The following FNDC3B variants were observed in gnomAD, a reference collection of about 807,000 sequenced individuals.
The protein encoded by FNDC3B is fibronectin type III domain containing 3B, also known as fibronectin type III domain-containing protein 3B.
A neutral mutation model predicts 151.5 loss-of-function variants in FNDC3B; 12 were observed. The observed-to-expected ratio is 0.08, with a 90% CI of 0.05 to 0.13. FNDC3B has a LOEUF of 0.13. FNDC3B is among the 10% of genes least tolerant of loss of function. The pLI is 1.00. For missense variants in FNDC3B, 1,214 were observed against 1,505.3 expected (o/e 0.81, Z 3.20); for synonymous variants, 528 against 549.0 (o/e 0.96, Z 0.54).
intron 11 of FNDC3B, among the ~76,000 whole-genome samples, chr3:172,325,033 G>C (rs998335826): frequency 1.3e-5 from 2 of 152,178 alleles, no homozygotes; most frequent in Non-Finnish European, 2.9e-5. Flanking sequence ...ACTCTCCTCT[G>C]TGTGACACAC....
At chr3:172,234,508 T>C (rs1162683838) in intron 4 of FNDC3B, among the ~76,000 whole-genome samples, 3 of 152,256 alleles carry the variant, frequency 2.0e-5, no homozygotes, top group Non-Finnish European at 1.5e-5. Flanking sequence ...ATTATTCTCC[T>C]CTGTTCATAT....
At chr3:172,238,538 C>T (rs1727286958) in intron 4 of FNDC3B, among the ~76,000 whole-genome samples, 1 of 152,082 alleles carries the variant, frequency 6.6e-6, no homozygotes, top group South Asian at 2.1e-4. Context: ...CTTTTGTTGC[C>T]CTAGAACATT....
Position 172,401,279 on chromosome 3 carries a change from G to C in FNDC3B, c.*3804G>C, listed in dbSNP as rs1469294539. Reference sequence around the variant, plus strand: ...ATTAGTTGAAAATTCACGTGTTTTTGGAGGCCAGGCAGGTGGCCTTCTGCA... The same window carrying C: ...ATTAGTTGAAAATTCACGTGTTTTTCGAGGCCAGGCAGGTGGCCTTCTGCA... On this transcript the variant is annotated 3_prime_UTR_variant, in exon 26 of 26. Coordinates refer to ENST00000415807, the MANE Select transcript of FNDC3B (RefSeq NM_022763.4). The C allele has an allele frequency of 6.6e-6, 1 of 152,184 alleles. No individual in the cohort carries two copies. Among genetic ancestry groups the C allele is most frequent in the Non-Finnish European group, 1.5e-5 (1 of 68,086 alleles). 9.4% of individuals were successfully genotyped at this position (152,184 alleles called of 1,614,324 possible).
chr3:172,301,139 T>C (rs1049229195), intron 9 of FNDC3B, among the ~76,000 whole-genome samples: 1 of 152,226 alleles, frequency 6.6e-6, no homozygotes, highest in Non-Finnish European at 1.5e-5. Flanking sequence ...AGAATGATAA[T>C]GATACCAGCC....
chr3:172,358,954 TTGGTGG>T (rs60325692), intron 22 of FNDC3B, among the ~76,000 whole-genome samples: 12,129 of 80,328 alleles, frequency 0.15, 1,014 homozygotes, highest in Middle Eastern at 0.33. Flanking sequence ...CACAGTTTTC[TTGGTGG>T]TGGTGGTGGT....
chr3:172,041,620 C>CCT (rs1553865416), intron 1 of FNDC3B, among the ~76,000 whole-genome samples: 1 of 150,710 alleles, frequency 6.6e-6, no homozygotes, highest in Non-Finnish European at 1.5e-5. Context: ...TGGAATAACA[C>CCT]TTTTTTTTTG....
At chr3:172,269,565 C>T (rs189110568) in intron 6 of FNDC3B, among the ~76,000 whole-genome samples, 1 of 152,312 alleles carries the variant, frequency 6.6e-6, no homozygotes, top group East Asian at 1.9e-4. Flanking sequence ...CTACTGCCCC[C>T]AGCCTATTCT....
At chr3:172,156,210 GTTT>G (rs1722477302) in intron 3 of FNDC3B, among the ~76,000 whole-genome samples, 1 of 152,180 alleles carries the variant, frequency 6.6e-6, no homozygotes, top group African/African-American at 2.4e-5. Flanking sequence ...ATTAAAAAAA[GTTT>G]TTATTAATCT....
At chr3:172,196,979 G>A (rs1384555630) in intron 3 of FNDC3B, among the ~76,000 whole-genome samples, 4 of 152,030 alleles carry the variant, frequency 2.6e-5, no homozygotes, top group Non-Finnish European at 4.4e-5. Flanking sequence ...TCAGGAGTTT[G>A]AGACCAGCCT....
At chr3:172,380,484 C>A (rs1029764406) in intron 24 of FNDC3B, among the ~76,000 whole-genome samples, 1 of 152,196 alleles carries the variant, frequency 6.6e-6, no homozygotes, top group Non-Finnish European at 1.5e-5. Flanking sequence ...CAGGTATGCT[C>A]TTTTCCTCCT....
At chr3:172,355,997 C>T (rs1369925671) in intron 22 of FNDC3B, among the ~76,000 whole-genome samples, 1 of 152,126 alleles carries the variant, frequency 6.6e-6, no homozygotes, top group African/African-American at 2.4e-5. Flanking sequence ...ATGCCTGACT[C>T]AGACTGAGCT....
chr3:172,323,949 C>G (rs553615742), intron 11 of FNDC3B, among the ~76,000 whole-genome samples: 2 of 152,082 alleles, frequency 1.3e-5, no homozygotes, highest in Admixed American at 6.6e-5. Flanking sequence ...GGACTTCCCC[C>G]CAAAGGTGAT....
intron 9 of FNDC3B, among the ~76,000 whole-genome samples, chr3:172,306,317 A>G (rs2108242527): frequency 6.6e-6 from 1 of 152,354 alleles, no homozygotes; most frequent in South Asian, 2.1e-4. Context: ...TTCCAGGGAT[A>G]AATACCATTG....
intron 25 of FNDC3B, among the ~76,000 whole-genome samples, chr3:172,394,106 T>TAAAAAAAAAAAAAAAAAAAAAAAAAA (rs60559371): frequency 1.2e-4 from 2 of 16,648 alleles, no homozygotes; most frequent in African/African-American, 4.3e-4. Flanking sequence ...AGACTCCTTC[T>TAAAAAAAAAAAAAAAAAAAAAAAAAA]AAAAAAAAAA....
intron 1 of FNDC3B, among the ~76,000 whole-genome samples, chr3:172,077,603 C>T (rs1385530535): frequency 6.6e-6 from 1 of 152,182 alleles, no homozygotes; most frequent in African/African-American, 2.4e-5. Flanking sequence ...TTGATGAATG[C>T]TCTCTCCCTT....
intron 3 of FNDC3B, among the ~76,000 whole-genome samples, chr3:172,220,199 A>G (rs1405456029): frequency 1.3e-5 from 2 of 151,976 alleles, no homozygotes; most frequent in Non-Finnish European, 2.9e-5. Flanking sequence ...TTTAATAGCC[A>G]TCCTAGTGTG....
chr3:172,369,073 C>T (rs1285032602), intron 23 of FNDC3B, among the ~76,000 whole-genome samples: 4 of 152,130 alleles, frequency 2.6e-5, no homozygotes, highest in Admixed American at 1.3e-4. Flanking sequence ...GCCTTTGAAA[C>T]CGAGTAGCTT....
intron 16 of FNDC3B, chr3:172,337,721 G>A: frequency 3.3e-6 from 1 of 299,266 alleles, no homozygotes; most frequent in South Asian, 3.1e-5. Context: ...TACGATCTCT[G>A]TCACACAGGC....
At chr3:172,175,182 A>C (rs556841860) in intron 3 of FNDC3B, among the ~76,000 whole-genome samples, 1 of 152,064 alleles carries the variant, frequency 6.6e-6, no homozygotes, top group South Asian at 2.1e-4. Context: ...GTGGTAATAG[A>C]GAAGCTAGTT....
Sources: allele counts gnomAD v4.1 joint callset (sites outside exome capture counted in the v4.1 genomes callset), GRCh38; gene constraint gnomAD v4.1.1; transcripts MANE v1.5; gene names NCBI Gene and HGNC (gene_info 2026-07-23, HGNC 2026-07-21).